Variants in CFAP77 observed in about 807,000 individuals in gnomAD.
The protein encoded by CFAP77 is cilia and flagella associated protein 77.
Under a neutral mutation model 31.1 loss-of-function variants are expected in CFAP77, and 25 were observed. The observed-to-expected ratio is 0.80, with a 90% CI of 0.59 to 1.12. The LOEUF (loss-of-function observed/expected upper bound fraction) is 1.12. Ranked by LOEUF, CFAP77 falls within the 50% of genes most tolerant of loss-of-function variation. The pLI, the probability that CFAP77 is intolerant of heterozygous loss-of-function variation, is 0.00. For missense variants in CFAP77, 377 were observed against 397.3 expected, an observed-to-expected ratio of 0.95 and a Z score of 0.44; for synonymous variants, 151 against 159.9, an observed-to-expected ratio of 0.94 and a Z score of 0.42.
chr9:132,538,555 G>A (rs1368457148), intron 4 of CFAP77, among the ~76,000 whole-genome samples: 5 of 152,244 alleles, frequency 3.3e-5, no homozygotes, highest in African/African-American at 1.2e-4. Context: ...GGAGGCCGAG[G>A]TGGGTGGATC....
chr9:132,433,981 A>AAAAG lies in CFAP77; in HGVS notation c.195+23518_195+23519insGAAA, dbSNP rs1423804689. ...GGGAGACCCCATGTGTAAAAAAAAAAAAAAAAAATTAGCTGGGCATGGTGG... is the reference window on the plus strand; with the variant it reads ...GGGAGACCCCATGTGTAAAAAAAAAAAAAGAAAAAAAATTAGCTGGGCATGGTGG... On this transcript the variant is annotated intron_variant, in intron 1 of 5. Coordinates refer to ENST00000393216, the MANE Select transcript of CFAP77 (RefSeq NM_001282957.2). Among the ~76,000 whole-genome samples the AAAAG allele has an allele frequency of 6.6e-3, 1,000 of 151,472 alleles. 12 individuals carry two copies. Among genetic ancestry groups the AAAAG allele is most frequent in the African/African-American group, 0.022 (909 of 41,266 alleles).
chr9:132,454,939 CAG>C (rs1267778671), intron 1 of CFAP77, among the ~76,000 whole-genome samples: 1 of 152,102 alleles, frequency 6.6e-6, no homozygotes, highest in East Asian at 1.9e-4. Flanking sequence ...CCCCTTAAGT[CAG>C]AGAGTGATCA....
intron 4 of CFAP77, among the ~76,000 whole-genome samples, chr9:132,542,113 T>C (rs768629492): frequency 3.8e-4 from 58 of 152,322 alleles, no homozygotes; most frequent in East Asian, 3.9e-4. Flanking sequence ...GATAAAGGAC[T>C]TGGCAGCATT....
intron 3 of CFAP77, among the ~76,000 whole-genome samples, chr9:132,536,534 C>T (rs576523606): frequency 6.6e-6 from 1 of 151,926 alleles, no homozygotes; most frequent in South Asian, 2.1e-4. Context: ...GTTGGGATTA[C>T]AGGCACACGC....
At chr9:132,437,620 C>T (rs1850533366) in intron 1 of CFAP77, among the ~76,000 whole-genome samples, 1 of 150,888 alleles carries the variant, frequency 6.6e-6, no homozygotes, top group African/African-American at 2.4e-5. Flanking sequence ...CGCCATTCTC[C>T]TGCCTCAGCC....
chr9:132,530,188 C>G (rs1361033891), intron 3 of CFAP77, among the ~76,000 whole-genome samples: 1 of 119,090 alleles, frequency 8.4e-6, no homozygotes, highest in Non-Finnish European at 1.6e-5. Context: ...TGCCATCAAA[C>G]TCTTGGGCTC....
At chr9:132,442,983 C>G (rs1174232082) in intron 1 of CFAP77, among the ~76,000 whole-genome samples, 1 of 152,124 alleles carries the variant, frequency 6.6e-6, no homozygotes, top group Admixed American at 6.5e-5. Flanking sequence ...TTCCCCTCTG[C>G]CAACCCCTGC....
At chr9:132,451,236 G>A (rs112283619) in intron 1 of CFAP77, among the ~76,000 whole-genome samples, 14,485 of 151,982 alleles carry the variant, frequency 0.095, 723 homozygotes, top group African/African-American at 0.14. Flanking sequence ...CACTTGGGAG[G>A]CTGAGGCAGG....
chr9:132,513,769 C>T (rs981725188), intron 3 of CFAP77, among the ~76,000 whole-genome samples: 70 of 152,220 alleles, frequency 4.6e-4, no homozygotes, highest in African/African-American at 1.7e-3. Flanking sequence ...GGGTTGATGT[C>T]CACGAGCAGA....
At position 132,490,970 on chromosome 9, in the gene CFAP77, G is replaced by A. The variant is rs902331758; in HGVS notation, c.196-7725G>A. 2.6e-5 allele frequency among the ~76,000 whole-genome samples: 4 copies of A among 152,058 alleles called. No individual in the cohort carries two copies. Among genetic ancestry groups the A allele is most frequent in the African/African-American group, 9.7e-5 (4 of 41,370 alleles). ...CAGAGATGTGCACATTAGGTGAACT[G>A]GTGTGTCTAATGGTCCCAGTGTGAG... is the stretch of plus-strand genomic sequence containing the variant. On this transcript the variant is annotated intron_variant, in intron 1 of 5. Transcript: ENST00000393216. The surrounding 1 kb of genome is among the most constrained non-coding windows in gnomAD (Gnocchi z 4.6).
intron 1 of CFAP77, among the ~76,000 whole-genome samples, chr9:132,467,044 G>A (rs771804886): frequency 2.0e-5 from 3 of 152,098 alleles, no homozygotes; most frequent in Non-Finnish European, 1.5e-5. Context: ...CAGGCGTGGT[G>A]GCATACGCCT....
At chr9:132,567,020 G>A (rs975280098) in intron 5 of CFAP77, among the ~76,000 whole-genome samples, 2 of 152,226 alleles carry the variant, frequency 1.3e-5, no homozygotes, top group African/African-American at 4.8e-5. Context: ...GAGTCCTTCA[G>A]GGAACAGGCC....
Position 132,543,180 on chromosome 9 carries a change from C to T in CFAP77, c.732+133C>T, listed in dbSNP as rs532808059. The T allele has an allele frequency of 1.6e-4, 111 of 695,572 alleles. No homozygotes were observed. In the Middle Eastern group the frequency reaches 4.4e-3, roughly 28 times the overall value. The allele number at this position is 695,572 out of a possible 1,614,324, so 43.1% of individuals were successfully genotyped here. On this transcript the variant is annotated intron_variant, in intron 5 of 5. Transcript: ENST00000393216. ...TTAGTACAACAGCCGCAGCAGCAAT[C>T]GCAACAGCTAATGTTTCCTGAGCAC...
At chr9:132,427,828 A>G (rs984961542) in intron 1 of CFAP77, among the ~76,000 whole-genome samples, 3 of 152,166 alleles carry the variant, frequency 2.0e-5, no homozygotes, top group Admixed American at 6.5e-5. Context: ...CTCCTGCAGT[A>G]TCATCTCATA....
chr9:132,469,909 G>A (rs1321798129), intron 1 of CFAP77, among the ~76,000 whole-genome samples: 1 of 150,026 alleles, frequency 6.7e-6, no homozygotes, highest in Admixed American at 6.7e-5. Flanking sequence ...GTGTGATCAC[G>A]GCTCACCACA....
At chr9:132,444,823 C>T (rs12685782) in intron 1 of CFAP77, among the ~76,000 whole-genome samples, 17,467 of 152,074 alleles carry the variant, frequency 0.11, 1,335 homozygotes, top group East Asian at 0.26. Context: ...AAATGCTGAA[C>T]CGCATTAGAT....
intron 5 of CFAP77, among the ~76,000 whole-genome samples, chr9:132,550,264 G>T (rs78615660): frequency 0.031 from 4,744 of 152,254 alleles, 251 homozygotes; most frequent in African/African-American, 0.11. Flanking sequence ...AAATATTTCG[G>T]TTTTTTGTTG....
intron 1 of CFAP77, among the ~76,000 whole-genome samples, chr9:132,435,177 A>C (rs1361292888): frequency 6.6e-6 from 1 of 152,158 alleles, no homozygotes; most frequent in Non-Finnish European, 1.5e-5. Flanking sequence ...CAACCCAGGC[A>C]AGACTTTTCC....
chr9:132,433,763 G>T (rs1454393935), intron 1 of CFAP77, among the ~76,000 whole-genome samples: 1 of 151,876 alleles, frequency 6.6e-6, no homozygotes, highest in African/African-American at 2.4e-5. Context: ...GGCCAGGCTG[G>T]TCTTGAACTC....
Sources: gnomAD v4.1 joint callset for allele counts (sites outside exome capture counted in the v4.1 genomes callset) on GRCh38, gnomAD v4.1.1 for gene constraint, Gnocchi (gnomAD v3.1) non-coding constraint, MANE v1.5 for transcripts, NCBI Gene and HGNC (gene_info 2026-07-23, HGNC 2026-07-21) for gene names.